TRAPPC2B: variants seen among roughly 807,000 people sequenced by gnomAD.
The protein encoded by TRAPPC2B is trafficking protein particle complex subunit 2B, also known as MBP-1 interacting protein-2A.
Under a neutral mutation model 8.4 loss-of-function variants are expected in TRAPPC2B, and 5 were observed. The observed-to-expected ratio is 0.59, with a 90% CI of 0.31 to 1.25. The LOEUF (loss-of-function observed/expected upper bound fraction) is 1.25, where lower values mean the gene tolerates loss of function less well. TRAPPC2B is among the 50% of genes most tolerant of loss of function. The pLI is 0.06. For missense variants in TRAPPC2B, 161 were observed against 173.2 expected (o/e 0.93, Z 0.40); for synonymous variants, 46 against 58.1 (o/e 0.79, Z 0.95).
In TRAPPC2B at chr19:57,364,978, G is replaced by A. The variant is rs767720279; in HGVS notation, c.145G>A (p.Val49Ile). 1.2e-5 allele frequency: 20 copies of A among 1,612,836 alleles called. No individual in the cohort carries two copies. The highest frequency in any genetic ancestry group is 3.3e-5 in the South Asian group (3 of 90,986). ...CATAGCTCATGCTGCTCTCGACCTC[G>A]TAGATGAGAACATGTGGCTGTCGAA... ...QFIAHAALDLVDENMWLSNNM... is the reference protein window; with the variant it reads ...QFIAHAALDLIDENMWLSNNM... The change falls in exon 2 of 2, where the codon GTA becomes ATA. Residue 49 changes from valine to isoleucine, a missense_variant. Physicochemically the swap from Val to Ile is conservative, Grantham distance 29 (BLOSUM62 3). Transcript: ENST00000543226.
At chr19:57,364,765 T>C in intron 1 of TRAPPC2B, 50 bp from the exon 2 acceptor site, 1 of 1,341,018 alleles carries the variant, frequency 7.5e-7, no homozygotes, top group Non-Finnish European at 1.0e-6. Flanking sequence ...AGCGCGGGTC[T>C]CTTCCGCGGA....
At position 57,363,722 on chromosome 19, in the gene TRAPPC2B, G is replaced by T. The variant is rs1600072798; in HGVS notation, c.-20+19G>T. ...ACCCGAGGTGGGTGCCCCGTCCCAG[G>T]CCCCCCCCCACCTCCGCCCGACCCC... On this transcript the variant is annotated intron_variant, in intron 1 of 1. Transcript: ENST00000543226. 1 of 144,400 alleles carries T rather than the reference G, an allele frequency of 6.9e-6. No individual in the cohort carries two copies. The highest frequency in any genetic ancestry group is 2.7e-5 in the African/African-American group (1 of 37,418). The allele number at this position is 144,400 out of a possible 1,614,324, so 8.9% of individuals were successfully genotyped here.
At chr19:57,364,613 C>T (rs1019860997) in intron 1 of TRAPPC2B, 6 of 589,560 alleles carry the variant, frequency 1.0e-5, no homozygotes, top group African/African-American at 1.9e-5. Context: ...TGGTGACGCG[C>T]GCCTGTAATC....
chr19:57,364,271 C>T (rs2088445962), intron 1 of TRAPPC2B: 1 of 152,448 alleles, frequency 6.6e-6, no homozygotes, highest in Non-Finnish European at 1.4e-5. Context: ...TTTGCCCGAA[C>T]ATCTGAAAGA....
chr19:57,364,623 C>T, intron 1 of TRAPPC2B, 192 bp from the exon 2 acceptor site: 1 of 598,972 alleles, frequency 1.7e-6, no homozygotes, highest in East Asian at 2.8e-5. Flanking sequence ...CGCCTGTAAT[C>T]CCAGCTATTC....
At chr19:57,364,651 G>T (rs924124746) in intron 1 of TRAPPC2B, 164 bp from the exon 2 acceptor site, 107 of 614,906 alleles carry the variant, frequency 1.7e-4, no homozygotes, top group Non-Finnish European at 2.1e-4. Flanking sequence ...TGAGGCAGGA[G>T]AATTGCCTGA....
intron 1 of TRAPPC2B, 38 bp downstream of exon 1, chr19:57,363,741 C>G (rs1039878280): frequency 6.5e-6 from 1 of 153,018 alleles, no homozygotes. Flanking sequence ...CACCTCCGCC[C>G]GACCCCTCCT....
At chr19:57,364,758 G>T (rs2088451078) in intron 1 of TRAPPC2B, 57 bp from the exon 2 acceptor site, 1 of 1,253,976 alleles carries the variant, frequency 8.0e-7, no homozygotes, top group African/African-American at 1.5e-5. Flanking sequence ...GGTGCGGAGC[G>T]CGGGTCTCTT....
At chr19:57,364,662 AC>A (rs1256269170) in intron 1 of TRAPPC2B, 152 bp from the exon 2 acceptor site, 1 of 629,274 alleles carries the variant, frequency 1.6e-6, no homozygotes, top group African/African-American at 1.8e-5. Context: ...AATTGCCTGA[AC>A]CCAGGAGGTG....
At chr19:57,364,736 G>T in intron 1 of TRAPPC2B, 79 bp from the exon 2 acceptor site, 1 of 1,013,662 alleles carries the variant, frequency 9.9e-7, no homozygotes, top group East Asian at 2.6e-5. Context: ...GCGAGATTCC[G>T]TGTCAAAAAA....
chr19:57,365,065 G>C lies in TRAPPC2B; in HGVS notation c.232G>C (p.Ala78Pro). The change falls in exon 2 of 2, where the codon GCG becomes CCG. Residue 78 changes from alanine to proline, a missense_variant. Physicochemically the swap from Ala to Pro is conservative, Grantham distance 27. Coordinates refer to ENST00000543226, the MANE Select transcript of TRAPPC2B (RefSeq NM_001355204.2). ...GTGGTTTGTGTCAGCATTTGTCACC[G>C]CGGGGCATATGAGGTTTATTATGCT... ...NEWFVSAFVT[A>P]GHMRFIMLHD... 6.2e-7 allele frequency: 1 copy of C among 1,610,938 alleles called. No homozygotes were observed. The highest frequency in any genetic ancestry group is 1.3e-5 in the African/African-American group (1 of 75,006).
rs764236042 is a variant in TRAPPC2B, at chr19:57,364,889, A to G, written c.56A>G (p.Glu19Gly). Residue 19 changes from glutamate (E) to glycine (G), a missense_variant, in exon 2 of 2, where the codon GAA (glutamate) becomes GGA (glycine). Transcript: ENST00000543226. ...GGTCACCATGATAATCCAGTTTTTG[A>G]AATGGAGTTTTTGCCAGCTGGGAAG... ...IVGHHDNPVFEMEFLPAGKAE... is the reference protein window; with the variant it reads ...IVGHHDNPVFGMEFLPAGKAE... 3.1e-6 allele frequency: 5 copies of G among 1,612,076 alleles called. No individual in the cohort carries two copies. In the African/African-American group the frequency reaches 6.7e-5, roughly 21 times the overall value.
At position 57,364,827 on chromosome 19, in the gene TRAPPC2B, G is replaced by A. The variant is rs1182137050; in HGVS notation, c.-7G>A. 1.9e-6 allele frequency: 3 copies of A among 1,600,172 alleles called. No individual in the cohort carries two copies. In the African/African-American group the frequency reaches 4.0e-5, roughly 21 times the overall value. On this transcript the variant is annotated 5_prime_UTR_variant, in exon 2 of 2. Coordinates refer to ENST00000543226, the MANE Select transcript of TRAPPC2B (RefSeq NM_001355204.2). ...CCTCCCGCTGCAGGAGCCATATATT[G>A]AAGACCATGTCTGGAAGCTTCTACT...
intron 1 of TRAPPC2B, chr19:57,364,547 C>T: frequency 2.1e-6 from 1 of 466,386 alleles, no homozygotes; most frequent in Non-Finnish European, 3.9e-6. Context: ...TCAAGACCAG[C>T]CTGACCAACA....
Position 57,363,575 on chromosome 19 carries a change from G to A in TRAPPC2B, c.-148G>A, listed in dbSNP as rs1873694010. On this transcript the variant is annotated 5_prime_UTR_variant, in exon 1 of 2. Transcript: ENST00000543226. ...TGTACGCAGAGGCGGTAGTGACACA[G>A]GCACAACTGACAGTGGCAGAAGCTC... 6.5e-6 allele frequency: 1 copy of A among 152,838 alleles called. No individual in the cohort carries two copies. The highest frequency in any genetic ancestry group is 1.9e-4 in the South Asian group (1 of 5,336). 9.5% of individuals were successfully genotyped at this position (152,838 alleles called of 1,614,324 possible).
Position 57,365,319 on chromosome 19 carries a change from T to C in TRAPPC2B, c.*63T>C. On this transcript the variant is annotated 3_prime_UTR_variant, in exon 2 of 2. Coordinates refer to ENST00000543226, the MANE Select transcript of TRAPPC2B (RefSeq NM_001355204.2). ...GGTGTATACTCAGGAATGTGTACAT[T>C]GTAAATTACTTGATTAAATAGCCTG... 2 of 1,100,372 alleles carry C rather than the reference T, an allele frequency of 1.8e-6. No homozygotes were observed. The highest frequency in any genetic ancestry group is 2.7e-6 in the Non-Finnish European group (2 of 752,762). The allele number at this position is 1,100,372 out of a possible 1,614,324, so 68.2% of individuals were successfully genotyped here.
chr19:57,364,430 C>T, intron 1 of TRAPPC2B: 1 of 271,820 alleles, frequency 3.7e-6, no homozygotes, highest in Non-Finnish European at 7.2e-6. Flanking sequence ...CAGAGGAGAA[C>T]TGGTGTAGAT....
Position 57,364,898 on chromosome 19 carries a change from T to G in TRAPPC2B, c.65T>G (p.Phe22Cys). 1 of 1,612,336 alleles carries G rather than the reference T, an allele frequency of 6.2e-7. No individual in the cohort carries two copies. Among genetic ancestry groups the G allele is most frequent in the Non-Finnish European group, 8.5e-7 (1 of 1,178,716 alleles). Residue 22 changes from phenylalanine to cysteine, a missense_variant, in exon 2 of 2, where the codon TTT becomes TGT. Physicochemically the swap from Phe to Cys is radical, Grantham distance 205. Transcript: ENST00000543226. ...GATAATCCAGTTTTTGAAATGGAGT[T>G]TTTGCCAGCTGGGAAGGCAGAATCC... is the stretch of plus-strand genomic sequence containing the variant. ...HHDNPVFEME[F>C]LPAGKAESKD...
At chr19:57,363,730 C>CG (rs199801342) in intron 1 of TRAPPC2B, 27 bp downstream of exon 1, 4,918 of 141,038 alleles carry the variant, frequency 0.035, 110 homozygotes, top group Non-Finnish European at 0.051. Flanking sequence ...AGGCCCCCCC[C>CG]CACCTCCGCC....
Sources: allele counts gnomAD v4.1 joint callset, GRCh38; gene constraint gnomAD v4.1.1; transcripts MANE v1.5; gene names NCBI Gene and HGNC (gene_info 2026-07-23, HGNC 2026-07-21).